Variants in TCF12 observed in about 807,000 individuals in gnomAD.
TCF12 encodes the protein DNA-binding protein HTF4.
TCF12 carries 45 observed loss-of-function variants against 86.0 expected under a neutral mutation model. That is an observed-to-expected ratio of 0.52 (90% CI 0.41 to 0.67). TCF12 has a LOEUF of 0.67. TCF12 is among the 30% of genes least tolerant of loss of function. TCF12 has a pLI of 0.00. For synonymous variants in TCF12, 330 were observed against 299.6 expected (o/e 1.10, Z -1.05); for missense variants, 881 against 859.9 (o/e 1.02, Z -0.31).
intron 3 of TCF12, among the ~76,000 whole-genome samples, chr15:56,952,845 A>G (rs2061343326): frequency 6.6e-6 from 1 of 152,138 alleles, no homozygotes; most frequent in Non-Finnish European, 1.5e-5. Flanking sequence ...TCCAATCTGG[A>G]TGCCTTTTTT....
At chr15:57,062,205 C>G (rs1395466972) in intron 3 of TCF12, among the ~76,000 whole-genome samples, 1 of 152,066 alleles carries the variant, frequency 6.6e-6, no homozygotes, top group Non-Finnish European at 1.5e-5. Context: ...ATCTGCCCGC[C>G]TCGGCCTCCC....
chr15:57,018,299 G>C (rs1237288290), intron 3 of TCF12, among the ~76,000 whole-genome samples: 3 of 152,068 alleles, frequency 2.0e-5, no homozygotes, highest in African/African-American at 7.2e-5. Flanking sequence ...ATTAGTGATT[G>C]GCTATACATT....
At chr15:57,267,487 C>G (rs1281625222) in intron 18 of TCF12, among the ~76,000 whole-genome samples, 1 of 152,102 alleles carries the variant, frequency 6.6e-6, no homozygotes, top group Non-Finnish European at 1.5e-5. Context: ...TACATCTTTC[C>G]TCCATATTCA....
chr15:56,979,287 GT>G (rs1187931599), intron 3 of TCF12, among the ~76,000 whole-genome samples: 2 of 151,992 alleles, frequency 1.3e-5, no homozygotes, highest in Non-Finnish European at 2.9e-5. Context: ...ATAAAATCAT[GT>G]TTTTTTGGTC....
chr15:56,981,126 C>T (rs1296910974), intron 3 of TCF12, among the ~76,000 whole-genome samples: 1 of 152,186 alleles, frequency 6.6e-6, no homozygotes, highest in African/African-American at 2.4e-5. Context: ...TCAGAGGCTA[C>T]TGAAATAATA....
At chr15:57,028,323 G>A (rs1451005271) in intron 3 of TCF12, among the ~76,000 whole-genome samples, 1 of 152,024 alleles carries the variant, frequency 6.6e-6, no homozygotes, top group Non-Finnish European at 1.5e-5. Context: ...TTATGAAAAT[G>A]TACTAATAAA....
At chr15:57,046,516 C>T (rs972056227) in intron 3 of TCF12, among the ~76,000 whole-genome samples, 8 of 152,186 alleles carry the variant, frequency 5.3e-5, no homozygotes, top group African/African-American at 1.9e-4. Flanking sequence ...GATCTCCGCT[C>T]ACTGCAACCT....
chr15:57,282,697 C>A, intron 20 of TCF12, 99 bp downstream of exon 20: 2 of 1,383,600 alleles, frequency 1.4e-6, no homozygotes, highest in Non-Finnish European at 2.0e-6. Context: ...TGAGCAGTGG[C>A]CATTGTAAAG....
At chr15:57,177,607 C>CGAGAGAGAGAGA (rs1567572655) in intron 6 of TCF12, among the ~76,000 whole-genome samples, 8 of 4,998 alleles carry the variant, frequency 1.6e-3, no homozygotes, top group African/African-American at 2.2e-3. Flanking sequence ...TGTTAAAAGG[C>CGAGAGAGAGAGA]CAGAGAGAGA....
At chr15:57,194,774 A>G (rs942565423) in intron 7 of TCF12, among the ~76,000 whole-genome samples, 1 of 152,196 alleles carries the variant, frequency 6.6e-6, no homozygotes, top group Non-Finnish European at 1.5e-5. Context: ...ACACAAAAGG[A>G]TGTGTTACCC....
intron 4 of TCF12, among the ~76,000 whole-genome samples, chr15:57,067,842 G>A (rs1239526904): frequency 6.6e-6 from 1 of 152,152 alleles, no homozygotes; most frequent in Non-Finnish European, 1.5e-5. Flanking sequence ...TAAAGGTAAA[G>A]CACCTGAGAC....
intron 16 of TCF12, among the ~76,000 whole-genome samples, chr15:57,256,401 A>G (rs2060347731): frequency 6.6e-6 from 1 of 152,048 alleles, no homozygotes; most frequent in Admixed American, 6.6e-5. Context: ...AGAGTGTGTG[A>G]TTTTGGGGGC....
chr15:57,092,037 A>C, intron 5 of TCF12, 146 bp downstream of exon 5: 1 of 543,846 alleles, frequency 1.8e-6, no homozygotes, highest in East Asian at 2.9e-5. Flanking sequence ...CTTGTTCAGC[A>C]CAGCTTGAGG....
At chr15:57,060,214 CAAAA>C (rs150835168) in intron 3 of TCF12, among the ~76,000 whole-genome samples, 6,248 of 152,172 alleles carry the variant, frequency 0.041, 356 homozygotes, top group African/African-American at 0.13. Flanking sequence ...AATGTTTTCA[CAAAA>C]GAAAGAGGCG....
intron 3 of TCF12, among the ~76,000 whole-genome samples, chr15:57,002,452 C>T (rs188829285): frequency 1.3e-5 from 2 of 152,222 alleles, no homozygotes; most frequent in African/African-American, 2.4e-5. Flanking sequence ...ATATTATCCA[C>T]CTAACACATA....
At chr15:57,034,480 C>G (rs2066385351) in intron 3 of TCF12, among the ~76,000 whole-genome samples, 1 of 152,004 alleles carries the variant, frequency 6.6e-6, no homozygotes. Flanking sequence ...ATTTTAAGAT[C>G]ATTTATGGTT....
Position 56,946,796 on chromosome 15 carries a change from A to AC in TCF12, c.148+25700dup, listed in dbSNP as rs199654799. On this transcript the variant is annotated intron_variant, in intron 3 of 20. Transcript: ENST00000333725. ...AAGCTTTTGTGAGTGAGTCTAAAGT[A>AC]CCTTTTTTTTTTTTTTTTTTTTGAG... Among the ~76,000 whole-genome samples the AC allele has an allele frequency of 7.4e-4, 87 of 117,290 alleles. 1 individual carries two copies. Among genetic ancestry groups the AC allele is most frequent in the East Asian group, 3.1e-3 (12 of 3,866 alleles). The allele number at this position is 117,290 out of a possible 152,430, so 76.9% of individuals were successfully genotyped here. A position where few individuals can be genotyped will look rare whatever the true frequency, so the allele number is the denominator to read the frequency against.
In TCF12 at chr15:57,223,650, T is replaced by G. The variant is rs74501547; in HGVS notation, c.580-7502T>G. Among the ~76,000 whole-genome samples, 896 of 125,078 alleles carry G rather than the reference T, an allele frequency of 7.2e-3. 11 individuals carry two copies. Among genetic ancestry groups the G allele is most frequent in the African/African-American group, 0.024 (685 of 28,686 alleles). The allele number at this position is 125,078 out of a possible 152,430, so 82.1% of individuals were successfully genotyped here. A position where few individuals can be genotyped will look rare whatever the true frequency, so the allele number is the denominator to read the frequency against. ...CACCTGCCTACCAATGAGGTTTTTT[T>G]TTTTTTTTTTTTTTTTTTTTTAGAA... On this transcript the variant is annotated intron_variant, in intron 8 of 20. Transcript: ENST00000333725.
At chr15:57,262,896 A>C (rs540538181) in intron 17 of TCF12, among the ~76,000 whole-genome samples, 1 of 152,172 alleles carries the variant, frequency 6.6e-6, no homozygotes, top group Non-Finnish European at 1.5e-5. Flanking sequence ...TGGGGGTCAG[A>C]CTTGTTCTTC....
Sources: allele counts gnomAD v4.1 joint callset (sites outside exome capture counted in the v4.1 genomes callset), GRCh38; gene constraint gnomAD v4.1.1; transcripts MANE v1.5; gene names NCBI Gene and HGNC (gene_info 2026-07-23, HGNC 2026-07-21).